ENPP4: variants seen among roughly 807,000 people sequenced by gnomAD.
The protein encoded by ENPP4 is ectonucleotide pyrophosphatase/phosphodiesterase 4.
In ENPP4, 18 loss-of-function variants were observed where a neutral mutation model predicts 33.4. That is an observed-to-expected ratio of 0.54 (90% CI 0.37 to 0.80). ENPP4 has a LOEUF of 0.80. Ranked by LOEUF, ENPP4 falls within the 30% of genes least tolerant of loss-of-function variation. The pLI is 0.00. For missense variants in ENPP4, 480 were observed against 541.7 expected, an observed-to-expected ratio of 0.89 and a Z score of 1.13; for synonymous variants, 172 against 189.9, an observed-to-expected ratio of 0.91 and a Z score of 0.78.
At chr6:46,133,957 A>G (rs182933521) in intron 1 of ENPP4, among the ~76,000 whole-genome samples, 3 of 152,168 alleles carry the variant, frequency 2.0e-5, no homozygotes, top group African/African-American at 4.8e-5. Flanking sequence ...TATTGAGGAC[A>G]TGAAATTAGT....
In ENPP4 at chr6:46,142,543, A is replaced by T. The variant is rs180704982; in HGVS notation, c.998-733A>T. On this transcript the variant is annotated intron_variant, in intron 3 of 3. Transcript: ENST00000321037. The stretch of plus-strand genomic sequence containing the variant: ...ATCTTTATATATTCTGCTTTTTGTC[A>T]TATTGGTTATTTTTATGATGAAATA... Among the ~76,000 whole-genome samples, 303 of 149,476 alleles carry T rather than the reference A, an allele frequency of 2.0e-3. No homozygotes were observed. The Middle Eastern group carries it at 0.021, about 10-fold the overall frequency.
chr6:46,131,221 C>T (rs1392451244), intron 1 of ENPP4, among the ~76,000 whole-genome samples: 1 of 152,062 alleles, frequency 6.6e-6, no homozygotes, highest in East Asian at 1.9e-4. Context: ...AGGTTAGTTA[C>T]ATATGTATAT....
chr6:46,139,086 T>C (rs1214379209), intron 1 of ENPP4, among the ~76,000 whole-genome samples: 2 of 151,764 alleles, frequency 1.3e-5, no homozygotes, highest in Non-Finnish European at 3.0e-5. Context: ...AATAAACCAA[T>C]ATGGTAGAAT....
chr6:46,135,248 G>A (rs915949638), intron 1 of ENPP4, among the ~76,000 whole-genome samples: 5 of 152,032 alleles, frequency 3.3e-5, no homozygotes, highest in African/African-American at 7.2e-5. Flanking sequence ...ACCCTTTGAA[G>A]ACTGCCAGAA....
intron 1 of ENPP4, among the ~76,000 whole-genome samples, chr6:46,132,248 G>GT (rs1461309358): frequency 6.6e-6 from 1 of 152,066 alleles, no homozygotes; most frequent in Non-Finnish European, 1.5e-5. Context: ...GTCCTGAATG[G>GT]TAATGCCTAG....
intron 1 of ENPP4, among the ~76,000 whole-genome samples, chr6:46,136,813 G>A (rs1434819422): frequency 6.6e-6 from 1 of 151,874 alleles, no homozygotes; most frequent in African/African-American, 2.4e-5. Flanking sequence ...GAGGTATTGA[G>A]GACTAAAAAA....
At chr6:46,138,033 C>T (rs940617579) in intron 1 of ENPP4, among the ~76,000 whole-genome samples, 1 of 151,772 alleles carries the variant, frequency 6.6e-6, no homozygotes, top group Non-Finnish European at 1.5e-5. Context: ...GCTCTTCATA[C>T]CTGGGACCTC....
At chr6:46,142,177 GA>G (rs1452116900) in intron 3 of ENPP4, among the ~76,000 whole-genome samples, 1 of 150,958 alleles carries the variant, frequency 6.6e-6, no homozygotes, top group Non-Finnish European at 1.5e-5. Flanking sequence ...GTTGACAACC[GA>G]AAGTATAGAA....
At chr6:46,131,694 A>C (rs536432591) in intron 1 of ENPP4, among the ~76,000 whole-genome samples, 132 of 151,420 alleles carry the variant, frequency 8.7e-4, no homozygotes, top group African/African-American at 3.1e-3. Flanking sequence ...GGCTGGGTCA[A>C]ATGGTATTTC....
chr6:46,130,765 C>T (rs1320969078), intron 1 of ENPP4, among the ~76,000 whole-genome samples: 4 of 152,190 alleles, frequency 2.6e-5, no homozygotes, highest in African/African-American at 9.7e-5. Context: ...CACAACCACC[C>T]TATGAGATCA....
rs1304746472 is a variant in ENPP4, at chr6:46,131,920, A to AT, written c.-34+1737dup. ...TCTCTGATGGCCAGTGATGGTGAGCATTTTTTCATGTGTTTTTTGGCTGCA... is the reference window on the plus strand; with the variant it reads ...TCTCTGATGGCCAGTGATGGTGAGCATTTTTTTCATGTGTTTTTTGGCTGCA... On this transcript the variant is annotated intron_variant, in intron 1 of 3. Transcript: ENST00000321037. 4.6e-5 allele frequency among the ~76,000 whole-genome samples: 7 copies of AT among 151,964 alleles called. No homozygotes were observed. The East Asian group carries it at 1.3e-3, about 29-fold the overall frequency.
chr6:46,136,713 AGAGACT>A (rs1763980299), intron 1 of ENPP4, among the ~76,000 whole-genome samples: 1 of 151,926 alleles, frequency 6.6e-6, no homozygotes, highest in African/African-American at 2.4e-5. Context: ...CTGTGCCCAG[AGAGACT>A]GAGTAGGCAG....
chr6:46,143,312 T>C lies in ENPP4; in HGVS notation c.1034T>C (p.Met345Thr). The C allele has an allele frequency of 6.2e-7, 1 of 1,604,882 alleles. No homozygotes were observed. Among genetic ancestry groups the C allele is most frequent in the Non-Finnish European group, 8.5e-7 (1 of 1,173,246 alleles). Residue 345 changes from methionine to threonine, a missense_variant, in exon 4 of 4, where the codon ATG becomes ACG. This residue lies in a region of ENPP4 where 249 missense variants were observed against 251.8 expected (regional missense o/e 0.99). Coordinates refer to ENST00000321037, the MANE Select transcript of ENPP4 (RefSeq NM_014936.5). Reference protein sequence around the residue: ...DHGYDNSLPSMHPFLAAHGPA... With the variant: ...DHGYDNSLPSTHPFLAAHGPA... ...GGTTATGATAATTCTTTGCCTAGTA[T>C]GCATCCATTTCTAGCTGCCCACGGA...
chr6:46,130,253 A>G (rs932180825), intron 1 of ENPP4, 64 bp downstream of exon 1: 6 of 152,146 alleles, frequency 3.9e-5, no homozygotes, highest in African/African-American at 7.2e-5. Flanking sequence ...CCAGTCCCCT[A>G]GGGGCTTTGA....
chr6:46,136,515 A>G (rs576634226), intron 1 of ENPP4, among the ~76,000 whole-genome samples: 3 of 151,974 alleles, frequency 2.0e-5, no homozygotes, highest in Admixed American at 6.6e-5. Context: ...CAGAAAGACC[A>G]TGGCAATGAA....
intron 1 of ENPP4, among the ~76,000 whole-genome samples, chr6:46,138,430 C>T (rs1040439785): frequency 6.6e-6 from 1 of 151,858 alleles, no homozygotes; most frequent in Non-Finnish European, 1.5e-5. Flanking sequence ...AAATTCATGA[C>T]AGCTGTCAAC....
At chr6:46,131,505 G>A (rs946807000) in intron 1 of ENPP4, among the ~76,000 whole-genome samples, 9 of 152,010 alleles carry the variant, frequency 5.9e-5, no homozygotes, top group Admixed American at 1.3e-4. Flanking sequence ...TTTTATGGCT[G>A]CATAGTATTC....
intron 1 of ENPP4, among the ~76,000 whole-genome samples, chr6:46,134,022 T>C (rs1194107843): frequency 6.6e-6 from 1 of 152,174 alleles, no homozygotes; most frequent in African/African-American, 2.4e-5. Flanking sequence ...CACTGGACTT[T>C]AGCTTCATCA....
At chr6:46,133,174 A>G (rs574355536) in intron 1 of ENPP4, among the ~76,000 whole-genome samples, 225 of 152,310 alleles carry the variant, frequency 1.5e-3, no homozygotes, top group Admixed American at 2.4e-3. Context: ...TTTACTATGT[A>G]GAAAGTAAGA....
Sources: gnomAD v4.1 joint callset for allele counts (sites outside exome capture counted in the v4.1 genomes callset) on GRCh38, gnomAD v4.1.1 for gene constraint, gnomAD v4.1.1 regional missense constraint, MANE v1.5 for transcripts, NCBI Gene and HGNC (gene_info 2026-07-23, HGNC 2026-07-21) for gene names.